The following HMGA1 variants were observed in gnomAD, a reference collection of about 807,000 sequenced individuals.
HMGA1 encodes high mobility group AT-hook 1.
A neutral mutation model predicts 15.1 loss-of-function variants in HMGA1; 1 was observed. The ratio of observed to expected loss-of-function variants is 0.07; its 90% CI spans 0.02 to 0.31. The LOEUF is 0.31. HMGA1 is among the 10% of genes least tolerant of loss of function. The pLI is 1.00. For missense variants in HMGA1, 94 were observed against 141.4 expected (o/e 0.66, Z 1.70); for synonymous variants, 56 against 54.8 (o/e 1.02, Z -0.10).
rs1303236518 is a variant in HMGA1 at position 34,245,493 on chromosome 6, G to A, written c.*609G>A. ...TCCTTCCCCAACTTCCCTAGTCCCCGTACTAGGTTGGACAGCCCCCTTCGG... is the reference window on the plus strand; with the variant it reads ...TCCTTCCCCAACTTCCCTAGTCCCCATACTAGGTTGGACAGCCCCCTTCGG... On this transcript the variant is annotated 3_prime_UTR_variant, in exon 6 of 6. Coordinates refer to ENST00000311487, the MANE Select transcript of HMGA1 (RefSeq NM_145899.3). 11 of 1,381,922 alleles carry A rather than the reference G, an allele frequency of 8.0e-6. No homozygotes were observed. The highest frequency in any genetic ancestry group is 3.4e-5 in the East Asian group (1 of 29,258). 85.6% of individuals were successfully genotyped at this position (1,381,922 alleles called of 1,614,324 possible). A position where few individuals can be genotyped will look rare whatever the true frequency, so the allele number is the denominator to read the frequency against.
intron 2 of HMGA1, among the ~76,000 whole-genome samples, chr6:34,238,418 G>A (rs993257505): frequency 7.9e-5 from 12 of 152,364 alleles, no homozygotes; most frequent in African/African-American, 2.9e-4. Flanking sequence ...GGGTCTCCGG[G>A]AACCTACTTC....
intron 3 of HMGA1, among the ~76,000 whole-genome samples, chr6:34,241,454 G>A (rs1030380344): frequency 6.6e-6 from 1 of 152,236 alleles, no homozygotes. Context: ...GCACAGGCCA[G>A]TTATGAGTAG....
In HMGA1 at chr6:34,244,862, A is replaced by C; in HGVS notation, c.302A>C (p.Glu101Ala). ...EKEEEEGISQESSEEEQ is the reference protein window; with the variant it reads ...EKEEEEGISQASSEEEQ ...GAGGAAGAGGAGGGCATCTCGCAGGAGTCCTCGGAGGAGGAGCAGTGACCC... is the reference window on the plus strand; with the variant it reads ...GAGGAAGAGGAGGGCATCTCGCAGGCGTCCTCGGAGGAGGAGCAGTGACCC... Residue 101 changes from glutamate (E) to alanine (A), a missense_variant, in exon 6 of 6, where the codon GAG becomes GCG. Physicochemically the swap from Glu to Ala is moderately radical, Grantham distance 107 (BLOSUM62 -1). Coordinates refer to ENST00000311487, the MANE Select transcript of HMGA1 (RefSeq NM_145899.3). 6.4e-6 allele frequency: 10 copies of C among 1,567,622 alleles called. No individual in the cohort carries two copies. The highest frequency in any genetic ancestry group is 8.6e-6 in the Non-Finnish European group (10 of 1,156,480).
rs1284701543 is a variant in HMGA1, at chr6:34,246,122, C to T, written c.*1238C>T. The T allele has an allele frequency of 1.2e-4, 30 of 241,604 alleles. No individual in the cohort carries two copies. The East Asian group carries it at 1.8e-3, about 15-fold the overall frequency. 15.0% of individuals were successfully genotyped at this position (241,604 alleles called of 1,614,324 possible). ...ACCATAAAGGGTGTAGGGGCCACCT[C>T]CTCCCCCTGTTCTGTTGGGGAGGGG... On this transcript the variant is annotated 3_prime_UTR_variant, in exon 6 of 6. Transcript: ENST00000311487.
intron 5 of HMGA1, among the ~76,000 whole-genome samples, chr6:34,244,504 C>T (rs978387479): frequency 6.6e-6 from 1 of 152,172 alleles, no homozygotes; most frequent in Non-Finnish European, 1.5e-5. Context: ...TCCCCCACCT[C>T]CTCTTCTCCC....
chr6:34,237,552 C>A (rs1345231019), intron 2 of HMGA1, among the ~76,000 whole-genome samples: 1 of 145,232 alleles, frequency 6.9e-6, no homozygotes, highest in African/African-American at 2.5e-5. Context: ...CCGCGGGCGC[C>A]CTGCGGGGGG....
chr6:34,244,566 C>T (rs968834277), intron 5 of HMGA1, among the ~76,000 whole-genome samples: 1 of 152,184 alleles, frequency 6.6e-6, no homozygotes, highest in Non-Finnish European at 1.5e-5. Flanking sequence ...GCTCTGCCCT[C>T]CTGCCCTCCC....
rs931061811 is a variant in HMGA1, at chr6:34,241,000, G to T, written c.135+85G>T. 1.5e-5 allele frequency: 22 copies of T among 1,473,572 alleles called. No individual in the cohort carries two copies. The African/African-American group carries it at 3.1e-4, about 20-fold the overall frequency. The allele number at this position is 1,473,572 out of a possible 1,614,324, so 91.3% of individuals were successfully genotyped here. Reference sequence around the variant, plus strand: ...AGTTTCATTCAGCAGGCGAGACCATGCATGGAGGGTGCAGAATGATTCTGC... The same window carrying T: ...AGTTTCATTCAGCAGGCGAGACCATTCATGGAGGGTGCAGAATGATTCTGC... On this transcript the variant is annotated intron_variant, in intron 3 of 5. Coordinates refer to ENST00000311487, the MANE Select transcript of HMGA1 (RefSeq NM_145899.3).
Position 34,243,621 on chromosome 6 carries a change from C to T in HMGA1, c.270+103C>T, listed in dbSNP as rs541414099. ...TATGCACCCCCTATGGAAAGGCTCT[C>T]CTTGACCTGCTGGGACATCAGATTT... is the stretch of plus-strand genomic sequence containing the variant. On this transcript the variant is annotated intron_variant, in intron 5 of 5. Transcript: ENST00000311487. 9 of 946,378 alleles carry T rather than the reference C, an allele frequency of 9.5e-6. No homozygotes were observed. In the East Asian group the frequency reaches 2.3e-4, roughly 24 times the overall value. The allele number at this position is 946,378 out of a possible 1,614,324, so 58.6% of individuals were successfully genotyped here. A position where few individuals can be genotyped will look rare whatever the true frequency, so the allele number is the denominator to read the frequency against.
At chr6:34,244,768 G>C in intron 5 of HMGA1, 63 bp from the exon 6 acceptor site, 1 of 1,418,732 alleles carries the variant, frequency 7.0e-7, no homozygotes, top group South Asian at 1.2e-5. Context: ...GGTGGGGCCA[G>C]CCTCTGGGGG....
chr6:34,244,189 G>C (rs1265802507), intron 5 of HMGA1, among the ~76,000 whole-genome samples: 1 of 151,544 alleles, frequency 6.6e-6, no homozygotes, highest in Admixed American at 6.6e-5. Context: ...GGGTTAGGGG[G>C]TGCTGCTGGC....
rs202033835 is a variant in HMGA1 at position 34,244,786 on chromosome 6, G to C, written c.271-45G>C. On this transcript the variant is annotated intron_variant, in intron 5 of 5. Transcript: ENST00000311487. The stretch of plus-strand genomic sequence containing the variant: ...GGGGCCAGCCTCTGGGGGTGGAAGA[G>C]GGGGACCGGGCCAGAGCTCACACCA... 4.0e-4 allele frequency: 609 copies of C among 1,521,246 alleles called. 2 individuals are homozygous for C. Among genetic ancestry groups the C allele is most frequent in the Non-Finnish European group, 5.1e-4 (572 of 1,119,140 alleles). The allele number at this position is 1,521,246 out of a possible 1,614,324, so 94.2% of individuals were successfully genotyped here. A position where few individuals can be genotyped will look rare whatever the true frequency, so the allele number is the denominator to read the frequency against.
intron 2 of HMGA1, among the ~76,000 whole-genome samples, chr6:34,238,021 C>T (rs771975180): frequency 6.6e-6 from 1 of 152,124 alleles, no homozygotes; most frequent in Non-Finnish European, 1.5e-5. Flanking sequence ...TGGAACTAGT[C>T]CCTTTGACTC....
chr6:34,242,667 G>A, intron 3 of HMGA1, 45 bp from the exon 4 acceptor site: 3 of 1,371,160 alleles, frequency 2.2e-6, no homozygotes, highest in Non-Finnish European at 2.0e-6. Flanking sequence ...TGAGGGGGTG[G>A]AAACAGGTGA....
chr6:34,244,839 G>A lies in HMGA1; in HGVS notation c.279G>A (p.Glu93=), dbSNP rs1184012720. The A allele has an allele frequency of 6.4e-7, 1 of 1,571,926 alleles. No individual in the cohort carries two copies. Among genetic ancestry groups the A allele is most frequent in the Non-Finnish European group, 8.6e-7 (1 of 1,158,914 alleles). ...PRGRPKKLEK[E]EEEGISQESS... ...AACTGCCCACCTCACAGGAGAAGGA[G>A]GAAGAGGAGGGCATCTCGCAGGAGT... The change falls in exon 6 of 6, where the codon GAG becomes GAA. Residue 93 remains glutamate, a synonymous_variant. Transcript: ENST00000311487.
chr6:34,240,583 G>T, intron 2 of HMGA1, 154 bp from the exon 3 acceptor site: 2 of 637,414 alleles, frequency 3.1e-6, no homozygotes, highest in East Asian at 2.8e-5. Context: ...CAGCATCTGG[G>T]GGTGGGCAGA....
At chr6:34,240,979 T>G in intron 3 of HMGA1, 64 bp downstream of exon 3, 1 of 1,589,930 alleles carries the variant, frequency 6.3e-7, no homozygotes, top group Non-Finnish European at 8.6e-7. Context: ...GCCTGGAGTT[T>G]CATTCAGCAG....
intron 5 of HMGA1, 25 bp downstream of exon 5, chr6:34,243,543 T>C (rs1361148350): frequency 1.3e-6 from 2 of 1,556,178 alleles, no homozygotes; most frequent in African/African-American, 1.5e-5. Flanking sequence ...AGACTGCTGC[T>C]TGCCTCCTGG....
chr6:34,241,803 A>C (rs1460491495), intron 3 of HMGA1, among the ~76,000 whole-genome samples: 1 of 152,124 alleles, frequency 6.6e-6, no homozygotes, highest in Non-Finnish European at 1.5e-5. Flanking sequence ...CAGGTTGTTC[A>C]CCTGCAGGTT....
Sources: gnomAD v4.1 joint callset for allele counts (sites outside exome capture counted in the v4.1 genomes callset) on GRCh38, gnomAD v4.1.1 for gene constraint, MANE v1.5 for transcripts, NCBI Gene and HGNC (gene_info 2026-07-23, HGNC 2026-07-21) for gene names.